VPS13C: variants seen among roughly 807,000 people sequenced by gnomAD.
VPS13C encodes the protein vacuolar protein sorting 13 homolog C.
A neutral mutation model predicts 456.8 loss-of-function variants in VPS13C; 358 were observed. The ratio of observed to expected loss-of-function variants is 0.78; its 90% CI spans 0.72 to 0.86. The LOEUF (loss-of-function observed/expected upper bound fraction) is 0.86, where lower values mean the gene tolerates loss of function less well. Among genes scored for constraint, VPS13C ranks in the 40% least tolerant of loss-of-function variants. The pLI is 0.00. For synonymous variants in VPS13C, 1,578 were observed against 1,486.7 expected (o/e 1.06, Z -1.41); for missense variants, 4,818 against 4,385.4 (o/e 1.10, Z -2.79).
intron 34 of VPS13C, 82 bp downstream of exon 34, chr15:61,962,289 G>A (rs138620433): frequency 4.6e-4 from 604 of 1,320,782 alleles, no homozygotes; most frequent in Middle Eastern, 3.1e-3. Context: ...AAAATCCAAG[G>A]TTTATAACAT....
intron 19 of VPS13C, 51 bp downstream of exon 19, chr15:61,984,806 C>A: frequency 6.4e-7 from 1 of 1,562,490 alleles, no homozygotes; most frequent in Non-Finnish European, 8.7e-7. Context: ...ACATTTTTTG[C>A]CTAAAACTAT....
Position 61,878,671 on chromosome 15 carries a change from A to G in VPS13C, c.10078T>C (p.Ser3360Pro), listed in dbSNP as rs763731983. ...KEKQEMFAVHSVNLLLKSIGA... is the reference protein window; with the variant it reads ...KEKQEMFAVHPVNLLLKSIGA... ...ATGCTTTTCAACAGCAAGTTGACAG[A>G]ATGAACTGCAAACATTTCCTGTTTT... The change falls in exon 74 of 85, where the codon TCT becomes CCT. Residue 3360 changes from serine to proline, a missense_variant. Physicochemically the swap from Ser to Pro is moderately conservative, Grantham distance 74. Coordinates refer to ENST00000644861, the MANE Select transcript of VPS13C (RefSeq NM_020821.3). 1.2e-6 allele frequency: 2 copies of G among 1,611,942 alleles called. No homozygotes were observed. Among genetic ancestry groups the G allele is most frequent in the Non-Finnish European group, 8.5e-7 (1 of 1,178,918 alleles).
intron 66 of VPS13C, among the ~76,000 whole-genome samples, chr15:61,903,984 G>A (rs114960472): frequency 0.01 from 1,539 of 152,132 alleles, 27 homozygotes; most frequent in African/African-American, 0.034. Flanking sequence ...AAATGAAACC[G>A]AAATAGATTA....
At chr15:62,037,348 T>TG (rs2048079527) in intron 3 of VPS13C, among the ~76,000 whole-genome samples, 1 of 86,108 alleles carries the variant, frequency 1.2e-5, no homozygotes, top group East Asian at 2.6e-4. Context: ...ATATAATATA[T>TG]TATATATAAA....
Position 61,991,082 on chromosome 15 carries a change from A to C in VPS13C, c.1496T>G (p.Leu499Arg). The change falls in exon 18 of 85, where the codon CTT becomes CGT. Residue 499 changes from leucine to arginine, a missense_variant. Physicochemically the swap from Leu to Arg is moderately radical, Grantham distance 102. Transcript: ENST00000644861. ...ESLIPETIDD[L>R]MTPEEKDKLF... is the part of the protein sequence containing the mutation. The stretch of plus-strand genomic sequence containing the variant: ...TTTATCTTTTTCCTCTGGAGTCATA[A>C]GGTCATCAATAGCTATGAAAAAACA... The C allele has an allele frequency of 6.2e-7, 1 of 1,609,748 alleles. No homozygotes were observed. Among genetic ancestry groups the C allele is most frequent in the Non-Finnish European group, 8.5e-7 (1 of 1,178,550 alleles).
intron 53 of VPS13C, among the ~76,000 whole-genome samples, chr15:61,923,294 C>T (rs1009905497): frequency 6.6e-5 from 10 of 152,002 alleles, no homozygotes; most frequent in African/African-American, 2.2e-4. Context: ...TGACTTACCC[C>T]AAGATCTATA....
At chr15:61,996,008 C>T (rs1295972609) in intron 16 of VPS13C, among the ~76,000 whole-genome samples, 2 of 152,140 alleles carry the variant, frequency 1.3e-5, no homozygotes, top group African/African-American at 2.4e-5. Flanking sequence ...AGAAAAACTC[C>T]GTATTTCCGG....
intron 37 of VPS13C, among the ~76,000 whole-genome samples, chr15:61,958,135 TAATAATTTA>T (rs1338870258): frequency 6.6e-6 from 1 of 152,052 alleles, no homozygotes; most frequent in Non-Finnish European, 1.5e-5. Flanking sequence ...CCATGGTAAC[TAATAATTTA>T]AATTCTCTTT....
intron 13 of VPS13C, among the ~76,000 whole-genome samples, chr15:62,009,198 A>C (rs1211962405): frequency 6.6e-6 from 1 of 152,190 alleles, no homozygotes; most frequent in Non-Finnish European, 1.5e-5. Flanking sequence ...GCTGTCTATG[A>C]GCTGATTTTG....
At chr15:61,876,803 A>G (rs925002058) in intron 75 of VPS13C, among the ~76,000 whole-genome samples, 170 bp downstream of exon 75, 1 of 152,038 alleles carries the variant, frequency 6.6e-6, no homozygotes, top group African/African-American at 2.4e-5. Flanking sequence ...GTGTATAAAG[A>G]GGGGTTGAAC....
At chr15:61,908,882 C>T (rs1464335388) in intron 65 of VPS13C, 110 bp downstream of exon 65, 5 of 1,286,256 alleles carry the variant, frequency 3.9e-6, no homozygotes, top group Non-Finnish European at 5.3e-6. Context: ...CCATGTGTTC[C>T]ATATCACCTT....
chr15:62,025,835 T>C (rs186560114), intron 6 of VPS13C, among the ~76,000 whole-genome samples: 28 of 152,092 alleles, frequency 1.8e-4, no homozygotes, highest in Admixed American at 7.2e-4. Context: ...ACTTTTTATT[T>C]ATGTGGGTTA....
intron 47 of VPS13C, 150 bp downstream of exon 47, chr15:61,940,497 T>C (rs959867104): frequency 9.8e-6 from 6 of 612,736 alleles, no homozygotes; most frequent in Non-Finnish European, 1.5e-5. Flanking sequence ...AAAGTACACA[T>C]ACAACAGACA....
chr15:61,874,767 A>C, intron 77 of VPS13C, 109 bp downstream of exon 77: 1 of 982,250 alleles, frequency 1.0e-6, no homozygotes. Flanking sequence ...GGGATTATTA[A>C]GAAAGTGATC....
At chr15:62,043,279 G>A (rs1475863796) in intron 2 of VPS13C, among the ~76,000 whole-genome samples, 1 of 152,182 alleles carries the variant, frequency 6.6e-6, no homozygotes, top group Non-Finnish European at 1.5e-5. Flanking sequence ...TCACTTTATA[G>A]ATGATTAAAC....
Position 61,957,834 on chromosome 15 carries a change from T to C in VPS13C, c.4165+774A>G, listed in dbSNP as rs77655587. Among the ~76,000 whole-genome samples, 582 of 152,236 alleles carry C rather than the reference T, an allele frequency of 3.8e-3. 1 individual carries two copies. The highest frequency in any genetic ancestry group is 0.013 in the African/African-American group (536 of 41,550). On this transcript the variant is annotated intron_variant, in intron 37 of 84. Transcript: ENST00000644861. Reference sequence around the variant, plus strand: ...TGCTAGGAACTTGCTAAATAAATTATGATGCTTCAATAGAATTTAATACCA... The same window carrying C: ...TGCTAGGAACTTGCTAAATAAATTACGATGCTTCAATAGAATTTAATACCA...
chr15:62,005,883 T>C (rs971057763), intron 15 of VPS13C, among the ~76,000 whole-genome samples: 1 of 151,254 alleles, frequency 6.6e-6, no homozygotes, highest in Non-Finnish European at 1.5e-5. Flanking sequence ...TTTGTATTTT[T>C]AGTAGAGACG....
intron 10 of VPS13C, among the ~76,000 whole-genome samples, chr15:62,013,492 A>T (rs1479161819): frequency 1.3e-5 from 2 of 151,942 alleles, no homozygotes; most frequent in Non-Finnish European, 2.9e-5. Flanking sequence ...AGAGGAGTCT[A>T]TGGTCAACAA....
chr15:61,911,992 T>C lies in VPS13C; in HGVS notation c.8563A>G (p.Ile2855Val), dbSNP rs2043315722. The C allele has an allele frequency of 6.2e-7, 1 of 1,602,028 alleles. No homozygotes were observed. Among genetic ancestry groups the C allele is most frequent in the Non-Finnish European group, 8.5e-7 (1 of 1,174,054 alleles). ...GAAAGGTTGAAACTGCTCATTTTGA[T>C]GCTAACACCAACCTGTGGAAAGGAA... ...NNMEYLVGVS[I>V]KMSSFNLSRI... Residue 2855 changes from isoleucine (I) to valine (V), a missense_variant, in exon 63 of 85, where the codon ATC becomes GTC. Around this residue, in one of 3 missense-constraint regions of VPS13C, gnomAD observed 4,552 missense variants for 4,130.6 expected, o/e 1.10. Transcript: ENST00000644861.
Sources: gnomAD v4.1 joint callset for allele counts (sites outside exome capture counted in the v4.1 genomes callset) on GRCh38, gnomAD v4.1.1 for gene constraint, gnomAD v4.1.1 regional missense constraint, MANE v1.5 for transcripts, NCBI Gene and HGNC (gene_info 2026-07-23, HGNC 2026-07-21) for gene names.